PPFIBP2: variants seen among roughly 807,000 people sequenced by gnomAD.
PPFIBP2 encodes PPFIB scaffold protein 2, also known as liprin-beta-2.
PPFIBP2 carries 118 observed loss-of-function variants against 118.3 expected under a neutral mutation model. The observed-to-expected ratio is 1.00, with a 90% CI of 0.86 to 1.16. The LOEUF (loss-of-function observed/expected upper bound fraction) is 1.16, where lower values mean the gene tolerates loss of function less well. PPFIBP2 is among the 50% of genes most tolerant of loss of function. The probability of loss-of-function intolerance (pLI) is 0.00; values close to 1 mark genes in which losing one functional copy is unlikely to be tolerated. For missense variants in PPFIBP2, 1,195 were observed against 1,073.1 expected (o/e 1.11, Z -1.59); for synonymous variants, 414 against 397.4 (o/e 1.04, Z -0.50).
intron 12 of PPFIBP2, 125 bp downstream of exon 12, chr11:7,633,059 CTG>C: frequency 1.2e-6 from 1 of 823,858 alleles, no homozygotes; most frequent in East Asian, 2.7e-5. Flanking sequence ...ACCTGCCCCT[CTG>C]TTGTTAGGGC....
the PPFIBP2 span, among the ~76,000 whole-genome samples, chr11:7,662,879 T>A: frequency 9.6e-5 from 14 of 146,380 alleles, no homozygotes; most frequent in Non-Finnish European, 1.7e-4. Context: ...ACTTCCCTTC[T>A]CGCTTCATTT....
At chr11:7,527,481 T>C (rs925744665) in intron 1 of PPFIBP2, among the ~76,000 whole-genome samples, 1 of 152,122 alleles carries the variant, frequency 6.6e-6, no homozygotes, top group African/African-American at 2.4e-5. Context: ...ATTTATTATT[T>C]CAGCCTCTAA....
chr11:7,608,432 G>C (rs1051058054), intron 5 of PPFIBP2, among the ~76,000 whole-genome samples: 1 of 152,090 alleles, frequency 6.6e-6, no homozygotes, highest in Admixed American at 6.6e-5. Flanking sequence ...CTGGAGATCA[G>C]GAGTTCAAGA....
intron 1 of PPFIBP2, among the ~76,000 whole-genome samples, chr11:7,521,469 T>C (rs1173286476): frequency 6.6e-6 from 1 of 152,214 alleles, no homozygotes; most frequent in Non-Finnish European, 1.5e-5. Flanking sequence ...GCATACACTA[T>C]TTTATCTTCC....
At chr11:7,663,999 C>G in the PPFIBP2 span, among the ~76,000 whole-genome samples, 1 of 152,212 alleles carries the variant, frequency 6.6e-6, no homozygotes. Context: ...CCTTGCCCTG[C>G]TTCGGCTCGC....
At chr11:7,647,316 T>A (rs1853244568) in intron 17 of PPFIBP2, among the ~76,000 whole-genome samples, 1 of 152,222 alleles carries the variant, frequency 6.6e-6, no homozygotes, top group Admixed American at 6.5e-5. Flanking sequence ...TATTGGGATT[T>A]TTAGTGTGCT....
At chr11:7,617,427 T>C in intron 6 of PPFIBP2, 5 of 478,236 alleles carry the variant, frequency 1.0e-5, no homozygotes, top group African/African-American at 2.1e-5. Flanking sequence ...TGGGCAGAGC[T>C]TGGACTCACT....
chr11:7,590,037 C>T lies in PPFIBP2; in HGVS notation c.280-3095C>T, dbSNP rs147859574. Among the ~76,000 whole-genome samples the T allele has an allele frequency of 6.1e-3, 932 of 152,282 alleles. 8 individuals are homozygous for T. Among genetic ancestry groups the T allele is most frequent in the Non-Finnish European group, 9.6e-3 (650 of 68,014 alleles). ...TTATAATGCAAGAATGATACCAGAA[C>T]GTGATTGAACCTGTTGCCAGGTTAT... On this transcript the variant is annotated intron_variant, in intron 3 of 23. Coordinates refer to ENST00000299492, the MANE Select transcript of PPFIBP2 (RefSeq NM_003621.5).
At chr11:7,601,060 T>TA (rs1487326514) in intron 5 of PPFIBP2, among the ~76,000 whole-genome samples, 1 of 152,200 alleles carries the variant, frequency 6.6e-6, no homozygotes, top group East Asian at 1.9e-4. Context: ...ACCTTGTGCT[T>TA]AAAGGGGCTC....
At chr11:7,597,127 T>G in intron 4 of PPFIBP2, 8 of 1,405,822 alleles carry the variant, frequency 5.7e-6, no homozygotes, top group Non-Finnish European at 6.5e-6. Flanking sequence ...CACACCCTTA[T>G]GAGAGAGGTA....
intron 1 of PPFIBP2, among the ~76,000 whole-genome samples, chr11:7,545,690 A>AT (rs1369955882): frequency 9.8e-6 from 1 of 101,900 alleles, no homozygotes; most frequent in African/African-American, 6.2e-5. Context: ...GACTACTATA[A>AT]TAAAAAAAGT....
At chr11:7,578,404 T>C (rs1164534577) in intron 3 of PPFIBP2, among the ~76,000 whole-genome samples, 1 of 152,210 alleles carries the variant, frequency 6.6e-6, no homozygotes, top group African/African-American at 2.4e-5. Flanking sequence ...TTTGACATTG[T>C]AACTGCAGAA....
Position 7,565,632 on chromosome 11 carries a change from C to T in PPFIBP2, c.144C>T (p.Phe48=). ...CCCCGGCCTCCTACATGAACCCCTT[C>T]CCGGTGCTCCATCTCATCGAGGACT... ...LASPASYMNP[F]PVLHLIEDLR... The change falls in exon 3 of 24, where the codon TTC becomes TTT. Residue 48 remains phenylalanine (F), a synonymous_variant. Transcript: ENST00000299492. The T allele has an allele frequency of 6.2e-7, 1 of 1,614,208 alleles. No homozygotes were observed. The highest frequency in any genetic ancestry group is 8.5e-7 in the Non-Finnish European group (1 of 1,180,032).
chr11:7,562,928 T>G (rs975067653), intron 2 of PPFIBP2, among the ~76,000 whole-genome samples: 1 of 80,672 alleles, frequency 1.2e-5, no homozygotes, highest in East Asian at 3.6e-4. Flanking sequence ...AAATTAAAGT[T>G]TTATATATAT....
chr11:7,550,482 G>A (rs1241975201), intron 2 of PPFIBP2, among the ~76,000 whole-genome samples: 1 of 152,184 alleles, frequency 6.6e-6, no homozygotes, highest in African/African-American at 2.4e-5. Context: ...TGAAGTGGGA[G>A]AGTATGCCTG....
rs938664728 is a variant in PPFIBP2 at position 7,651,939 on chromosome 11, G to A, written c.2436+95G>A. On this transcript the variant is annotated intron_variant, in intron 23 of 23. Transcript: ENST00000299492. ...GCGATGCCCACAGCCAGAGCAGCAT[G>A]CGCAGCCTGGACAAAGAGGATCTTT... The A allele has an allele frequency of 4.2e-6, 5 of 1,204,130 alleles. No individual in the cohort carries two copies. The African/African-American group carries it at 7.8e-5, about 19-fold the overall frequency. The allele number at this position is 1,204,130 out of a possible 1,614,324, so 74.6% of individuals were successfully genotyped here. A position where few individuals can be genotyped will look rare whatever the true frequency, so the allele number is the denominator to read the frequency against.
At chr11:7,521,357 C>A (rs904716024) in intron 1 of PPFIBP2, among the ~76,000 whole-genome samples, 26 of 152,210 alleles carry the variant, frequency 1.7e-4, no homozygotes, top group Admixed American at 4.6e-4. Flanking sequence ...GCATTCAAAT[C>A]TCTACAGTGG....
chr11:7,582,995 C>G (rs1399831860), intron 3 of PPFIBP2, among the ~76,000 whole-genome samples: 1 of 152,196 alleles, frequency 6.6e-6, no homozygotes, highest in Non-Finnish European at 1.5e-5. Flanking sequence ...TCAAAACTAT[C>G]TTTGACCCTG....
At chr11:7,640,656 C>T (rs922943202) in intron 15 of PPFIBP2, among the ~76,000 whole-genome samples, 2 of 152,176 alleles carry the variant, frequency 1.3e-5, no homozygotes, top group Admixed American at 6.5e-5. Flanking sequence ...TCTAGTGACA[C>T]TCAAACTGGA....
Sources: gnomAD v4.1 joint callset for allele counts (sites outside exome capture counted in the v4.1 genomes callset) on GRCh38, gnomAD v4.1.1 for gene constraint, MANE v1.5 for transcripts, NCBI Gene and HGNC (gene_info 2026-07-23, HGNC 2026-07-21) for gene names.